GABRG3: variants seen among roughly 807,000 people sequenced by gnomAD.
GABRG3 encodes gamma-aminobutyric acid receptor subunit gamma-3.
Under a neutral mutation model 48.8 loss-of-function variants are expected in GABRG3, and 25 were observed. The ratio of observed to expected loss-of-function variants is 0.51; its 90% confidence interval spans 0.37 to 0.72. The LOEUF (loss-of-function observed/expected upper bound fraction) is 0.72. Among genes scored for constraint, GABRG3 ranks in the 30% least tolerant of loss-of-function variants. The probability of loss-of-function intolerance (pLI) is 0.00; values close to 1 mark genes in which losing one functional copy is unlikely to be tolerated. For synonymous variants in GABRG3, 227 were observed against 217.6 expected (o/e 1.04, Z -0.38); for missense variants, 394 against 577.9 (o/e 0.68, Z 3.26).
intron 5 of GABRG3, among the ~76,000 whole-genome samples, chr15:27,374,704 G>T (rs1040358708): frequency 6.6e-6 from 1 of 152,160 alleles, no homozygotes; most frequent in Non-Finnish European, 1.5e-5. Context: ...TGTGTGTGGA[G>T]CAGGTTACCA....
At chr15:27,051,304 T>G (rs1896451679) in intron 3 of GABRG3, among the ~76,000 whole-genome samples, 1 of 152,228 alleles carries the variant, frequency 6.6e-6, no homozygotes, top group South Asian at 2.1e-4. Context: ...TTTATTGAGG[T>G]TATGTCCCTC....
intron 5 of GABRG3, among the ~76,000 whole-genome samples, chr15:27,445,707 A>G (rs949123813): frequency 2.0e-5 from 3 of 152,150 alleles, no homozygotes; most frequent in African/African-American, 7.2e-5. Context: ...TTTTATATTT[A>G]TATCTTTGGT....
chr15:27,095,668 C>T (rs533284874), intron 3 of GABRG3, among the ~76,000 whole-genome samples: 1 of 152,108 alleles, frequency 6.6e-6, no homozygotes, highest in Admixed American at 6.5e-5. Context: ...ATCATCTGCT[C>T]CCTATTCTTT....
chr15:27,117,446 C>T (rs1897660911), intron 3 of GABRG3, among the ~76,000 whole-genome samples: 1 of 152,084 alleles, frequency 6.6e-6, no homozygotes, highest in Non-Finnish European at 1.5e-5. Context: ...CAGCCTTCTC[C>T]CAAGACACAC....
At chr15:27,118,183 T>A (rs1428681951) in intron 3 of GABRG3, among the ~76,000 whole-genome samples, 3 of 152,218 alleles carry the variant, frequency 2.0e-5, no homozygotes. Context: ...CTGCCATGCT[T>A]GGTGGAATTC....
intron 5 of GABRG3, among the ~76,000 whole-genome samples, chr15:27,341,814 C>T (rs1311317385): frequency 2.0e-5 from 3 of 152,312 alleles, no homozygotes; most frequent in Admixed American, 6.5e-5. Context: ...TACACGGCTG[C>T]AGCATGCTCT....
intron 3 of GABRG3, among the ~76,000 whole-genome samples, chr15:27,206,708 A>G (rs1343412349): frequency 1.3e-5 from 2 of 152,136 alleles, no homozygotes; most frequent in South Asian, 2.1e-4. Flanking sequence ...AGTCTCTACA[A>G]ACTTGTTTTA....
chr15:27,341,902 C>T (rs561431110), intron 5 of GABRG3, among the ~76,000 whole-genome samples: 27 of 152,152 alleles, frequency 1.8e-4, no homozygotes, highest in Non-Finnish European at 3.4e-4. Flanking sequence ...TGGCTGCAGC[C>T]ATATTAGAGC....
At chr15:27,321,308 C>T (rs188778173) in intron 3 of GABRG3, among the ~76,000 whole-genome samples, 301 of 152,290 alleles carry the variant, frequency 2.0e-3, no homozygotes, top group Non-Finnish European at 3.1e-3. Context: ...AAGGGAGGTG[C>T]CTGGGCTAAG....
chr15:27,158,580 A>G (rs1488316489), intron 3 of GABRG3, among the ~76,000 whole-genome samples: 1 of 152,226 alleles, frequency 6.6e-6, no homozygotes, highest in East Asian at 1.9e-4. Context: ...ACCTGTTTTC[A>G]TAAGATTTCT....
At chr15:27,412,953 A>T (rs1407275909) in intron 5 of GABRG3, among the ~76,000 whole-genome samples, 1 of 152,204 alleles carries the variant, frequency 6.6e-6, no homozygotes, top group African/African-American at 2.4e-5. Flanking sequence ...CAGTAAAGTA[A>T]CAGTTTTCTT....
rs1431490366 is a variant in GABRG3, at chr15:26,976,141, A to G, written c.54-861A>G. 2.0e-5 allele frequency among the ~76,000 whole-genome samples: 3 copies of G among 151,516 alleles called. No homozygotes were observed. Among genetic ancestry groups the G allele is most frequent in the African/African-American group, 4.8e-5 (2 of 41,276 alleles). ...AGAACCAAAAAAAAAAAAAGGGAAA[A>G]CTAGCCGGTCATCCTGAGGCCTCTC... On this transcript the variant is annotated intron_variant, in intron 1 of 9. Coordinates refer to ENST00000615808, the MANE Select transcript of GABRG3 (RefSeq NM_033223.5). This position sits in a 1 kb window ranked among gnomAD's most constrained non-coding sequence, Gnocchi z 7.8.
intron 2 of GABRG3, among the ~76,000 whole-genome samples, chr15:26,977,712 A>C (rs1181495712): frequency 6.6e-6 from 1 of 152,142 alleles, no homozygotes; most frequent in Non-Finnish European, 1.5e-5. Flanking sequence ...CAGCTTCTTT[A>C]GCCATTCATC....
At chr15:27,372,381 GTATTTATT>G (rs754031749) in intron 5 of GABRG3, among the ~76,000 whole-genome samples, 33 of 152,034 alleles carry the variant, frequency 2.2e-4, no homozygotes, top group Non-Finnish European at 3.7e-4. Context: ...TAAACTTTTT[GTATTTATT>G]TATTTATTTA....
intron 3 of GABRG3, among the ~76,000 whole-genome samples, chr15:27,170,066 A>G (rs61435271): frequency 0.082 from 12,526 of 152,268 alleles, 870 homozygotes; most frequent in African/African-American, 0.18. Flanking sequence ...ATTACAAGAA[A>G]CAGTCAAACT....
intron 3 of GABRG3, among the ~76,000 whole-genome samples, chr15:27,065,693 G>A (rs1000892070): frequency 6.6e-6 from 1 of 152,242 alleles, no homozygotes; most frequent in Non-Finnish European, 1.5e-5. Flanking sequence ...TTAGCTGCCT[G>A]CTGAGCAGCC....
chr15:27,305,690 CATAT>C (rs1201769707), intron 3 of GABRG3, among the ~76,000 whole-genome samples: 4 of 75,888 alleles, frequency 5.3e-5, no homozygotes, highest in African/African-American at 1.4e-4. Context: ...TATATATAAA[CATAT>C]ATAATATAAA....
In GABRG3 at chr15:27,533,844, A is replaced by C. The variant is rs1329231002; in HGVS notation, c.*963A>C. Reference sequence around the variant, plus strand: ...GTAGATAAAATTTTATTTTTATTTTATTTTTTTGAGACAGAGTCATGCTCT... The same window carrying C: ...GTAGATAAAATTTTATTTTTATTTTCTTTTTTTGAGACAGAGTCATGCTCT... On this transcript the variant is annotated 3_prime_UTR_variant, in exon 10 of 10. Coordinates refer to ENST00000615808, the MANE Select transcript of GABRG3 (RefSeq NM_033223.5). The C allele has an allele frequency of 6.6e-6, 1 of 151,954 alleles. No homozygotes were observed. Among genetic ancestry groups the C allele is most frequent in the Non-Finnish European group, 1.5e-5 (1 of 67,976 alleles). The allele number at this position is 151,954 out of a possible 1,614,324, so 9.4% of individuals were successfully genotyped here. A position where few individuals can be genotyped will look rare whatever the true frequency, so the allele number is the denominator to read the frequency against.
At chr15:26,987,747 G>A (rs1320964744) in intron 2 of GABRG3, among the ~76,000 whole-genome samples, 1 of 152,146 alleles carries the variant, frequency 6.6e-6, no homozygotes, top group Non-Finnish European at 1.5e-5. Flanking sequence ...TAGTTTTGAG[G>A]TGGAAGACGA....
Sources: allele counts gnomAD v4.1 joint callset (sites outside exome capture counted in the v4.1 genomes callset), GRCh38; gene constraint gnomAD v4.1.1; non-coding constraint Gnocchi (gnomAD v3.1); transcripts MANE v1.5; gene names NCBI Gene and HGNC (gene_info 2026-07-23, HGNC 2026-07-21).